Variants in ZBBX observed in about 807,000 individuals in gnomAD.
ZBBX encodes zinc finger B-box domain-containing protein 1.
A neutral mutation model predicts 108.5 loss-of-function variants in ZBBX; 101 were observed. That is an observed-to-expected ratio of 0.93 (90% CI 0.79 to 1.10). ZBBX has a LOEUF of 1.10. ZBBX is among the 50% of genes least tolerant of loss of function. The pLI, the probability that ZBBX is intolerant of heterozygous loss-of-function variation, is 0.00. For synonymous variants in ZBBX, 356 were observed against 323.4 expected, an observed-to-expected ratio of 1.10 and a Z score of -1.08; for missense variants, 1,009 against 941.4, an observed-to-expected ratio of 1.07 and a Z score of -0.94.
chr3:167,266,246 T>C (rs1001693997), intron 20 of ZBBX, among the ~76,000 whole-genome samples: 2 of 152,240 alleles, frequency 1.3e-5, no homozygotes, highest in Admixed American at 6.5e-5. Context: ...TTAAACCATA[T>C]AAAGTTGCCA....
At chr3:167,338,608 G>A (rs1739985159) in intron 9 of ZBBX, among the ~76,000 whole-genome samples, 1 of 151,842 alleles carries the variant, frequency 6.6e-6, no homozygotes, top group Non-Finnish European at 1.5e-5. Flanking sequence ...GGAAAGGAAT[G>A]AGAATGTCTC....
chr3:167,354,263 A>C (rs1041391263), intron 8 of ZBBX, among the ~76,000 whole-genome samples: 1 of 151,936 alleles, frequency 6.6e-6, no homozygotes, highest in Non-Finnish European at 1.5e-5. Context: ...CGAACTTTGA[A>C]GTATGGTTTC....
rs79584097 is a variant in ZBBX at position 167,339,843 on chromosome 3, C to T, written c.529-5858G>A. The stretch of plus-strand genomic sequence containing the variant: ...TTGCCTCTCACGCGTCGAAAGGCTC[C>T]GGTGTGTGTTGTTTCATTCCCTGTG... On this transcript the variant is annotated intron_variant, in intron 9 of 21. Transcript: ENST00000675490. Among the ~76,000 whole-genome samples the T allele has an allele frequency of 2.4e-3, 370 of 152,010 alleles. 4 individuals are homozygous for T. Among genetic ancestry groups the T allele is most frequent in the African/African-American group, 8.2e-3 (341 of 41,478 alleles).
intron 20 of ZBBX, among the ~76,000 whole-genome samples, chr3:167,256,620 C>T (rs973680069): frequency 6.7e-6 from 1 of 148,324 alleles, no homozygotes; most frequent in African/African-American, 2.5e-5. Flanking sequence ...CCCACCCCAC[C>T]CCACTACCCT....
rs755917643 is a variant in ZBBX, at chr3:167,368,477, C to G, written c.166G>C (p.Glu56Gln). ...TTCACTCACTCTCTATCTTCCTTTT[C>G]TTTGTTTCTTGTGGATCGGAATTCT... Reference protein sequence around the residue: ...LQEFRSTRNKEKEDRESSEYY... With the variant: ...LQEFRSTRNKQKEDRESSEYY... The change falls in exon 5 of 22, where the codon GAA becomes CAA. Residue 56 changes from glutamate to glutamine, a missense_variant. Physicochemically the swap from Glu to Gln is conservative, Grantham distance 29. Coordinates refer to ENST00000675490, the MANE Select transcript of ZBBX (RefSeq NM_001199201.2). 1 of 1,611,132 alleles carries G rather than the reference C, an allele frequency of 6.2e-7. No homozygotes were observed. Among genetic ancestry groups the G allele is most frequent in the Non-Finnish European group, 8.5e-7 (1 of 1,177,980 alleles).
intron 1 of ZBBX, among the ~76,000 whole-genome samples, chr3:167,401,878 T>G (rs1431463866): frequency 1.3e-5 from 2 of 152,108 alleles, no homozygotes; most frequent in Non-Finnish European, 2.9e-5. Flanking sequence ...TATGAGAATG[T>G]CAAAAGATAA....
At chr3:167,197,911 C>T in the ZBBX span, among the ~76,000 whole-genome samples, 1 of 152,006 alleles carries the variant, frequency 6.6e-6, no homozygotes, top group Non-Finnish European at 1.5e-5. Flanking sequence ...TTATACAGTC[C>T]CTATCTTATC....
intron 1 of ZBBX, among the ~76,000 whole-genome samples, chr3:167,393,110 CCT>C (rs1748127462): frequency 6.6e-6 from 1 of 151,638 alleles, no homozygotes; most frequent in Non-Finnish European, 1.5e-5. Flanking sequence ...CCCTTTTGCC[CCT>C]CTTTCCCTGG....
At chr3:167,205,303 T>C in the ZBBX span, among the ~76,000 whole-genome samples, 1 of 151,908 alleles carries the variant, frequency 6.6e-6, no homozygotes, top group African/African-American at 2.4e-5. Context: ...AATTACTCAA[T>C]GGGAAACAGC....
intron 20 of ZBBX, among the ~76,000 whole-genome samples, chr3:167,255,145 A>T (rs144100221): frequency 0.014 from 2,124 of 152,248 alleles, 27 homozygotes; most frequent in South Asian, 0.026. Flanking sequence ...GAAAAATTAT[A>T]TGATAATTAA....
the ZBBX span, among the ~76,000 whole-genome samples, chr3:167,196,504 G>A: frequency 2.0e-5 from 3 of 152,114 alleles, no homozygotes; most frequent in Non-Finnish European, 4.4e-5. Context: ...ATCAATGTGT[G>A]GGATTTATAT....
chr3:167,380,866 GCACACACACACA>G (rs59349359), upstream of ZBBX, among the ~76,000 whole-genome samples: 45 of 141,438 alleles, frequency 3.2e-4, no homozygotes, highest in Non-Finnish European at 4.6e-4. Context: ...GCAAATATAT[GCACACACACACA>G]CACACACACA....
chr3:167,400,903 T>C lies in ZBBX; in HGVS notation c.-446+6823A>G, dbSNP rs185742393. Among the ~76,000 whole-genome samples, 280 of 152,246 alleles carry C rather than the reference T, an allele frequency of 1.8e-3. 1 individual carries two copies. The highest frequency in any genetic ancestry group is 5.4e-3 in the African/African-American group (226 of 41,554). On this transcript the variant is annotated intron_variant, in intron 1 of 21. Transcript: ENST00000455345. ...CCTCTCCAAAGAAGGCAATAACATA[T>C]GCATTTATAAGTGAGCAGAGGGGTG...
the ZBBX span, among the ~76,000 whole-genome samples, chr3:167,217,469 G>A: frequency 1.2e-4 from 19 of 152,140 alleles, no homozygotes; most frequent in Non-Finnish European, 2.5e-4. Flanking sequence ...AAAAATAACA[G>A]ATGCTGGTAA....
the ZBBX span, among the ~76,000 whole-genome samples, chr3:167,182,562 T>G: frequency 6.6e-6 from 1 of 152,210 alleles, no homozygotes; most frequent in East Asian, 1.9e-4. Flanking sequence ...TCATCCTGCA[T>G]GACCACTTTT....
chr3:167,261,447 AG>A, intron 20 of ZBBX, among the ~76,000 whole-genome samples: 1 of 130,656 alleles, frequency 7.7e-6, no homozygotes, highest in African/African-American at 2.9e-5. Context: ...AAGGACCATC[AG>A]GTGGGGGTGG....
intron 7 of ZBBX, among the ~76,000 whole-genome samples, chr3:167,360,415 A>C (rs1177338174): frequency 6.6e-6 from 1 of 151,724 alleles, no homozygotes; most frequent in East Asian, 1.9e-4. Flanking sequence ...CATCAATAAA[A>C]TTTAAGGAAC....
In ZBBX at chr3:167,253,795, C is replaced by G. The variant is rs192929764; in HGVS notation, c.2255-11152G>C. Among the ~76,000 whole-genome samples, 3 of 152,044 alleles carry G rather than the reference C, an allele frequency of 2.0e-5. No individual in the cohort carries two copies. In the East Asian group the frequency reaches 5.8e-4, roughly 29 times the overall value. The stretch of plus-strand genomic sequence containing the variant: ...TGACACAACTAGATATATAAACAAA[C>G]TAGTATCTTTAGCATGTAACGGGTG... On this transcript the variant is annotated intron_variant, in intron 20 of 21. Coordinates refer to ENST00000675490, the MANE Select transcript of ZBBX (RefSeq NM_001199201.2).
chr3:167,359,113 G>A (rs1312841623), intron 8 of ZBBX, among the ~76,000 whole-genome samples: 5 of 151,984 alleles, frequency 3.3e-5, no homozygotes, highest in African/African-American at 1.2e-4. Flanking sequence ...CTGTACAATG[G>A]AATACTACTC....
Sources: gnomAD v4.1 joint callset for allele counts (sites outside exome capture counted in the v4.1 genomes callset) on GRCh38, gnomAD v4.1.1 for gene constraint, MANE v1.5 for transcripts, NCBI Gene and HGNC (gene_info 2026-07-23, HGNC 2026-07-21) for gene names.